DAB1: variants seen among roughly 807,000 people sequenced by gnomAD.
The protein encoded by DAB1 is DAB adaptor protein 1.
A neutral mutation model predicts 64.6 loss-of-function variants in DAB1; 15 were observed. The observed-to-expected ratio is 0.23, with a 90% confidence interval of 0.16 to 0.36. The LOEUF (loss-of-function observed/expected upper bound fraction) is 0.36. DAB1 is among the 10% of genes least tolerant of loss of function. The probability of loss-of-function intolerance (pLI) is 1.00; values close to 1 mark genes in which losing one functional copy is unlikely to be tolerated. For missense variants in DAB1, 596 were observed against 706.7 expected (o/e 0.84, Z 1.78); for synonymous variants, 235 against 251.9 (o/e 0.93, Z 0.64).
At chr1:58,469,007 T>G (rs1243438435) in intron 3 of DAB1, 1 of 244,092 alleles carries the variant, frequency 4.1e-6, no homozygotes, top group Non-Finnish European at 6.6e-6. Flanking sequence ...ATCCTCCGTC[T>G]TATGAAAAGA....
At chr1:58,491,462 A>G (rs568514971) in intron 3 of DAB1, among the ~76,000 whole-genome samples, 55 of 152,216 alleles carry the variant, frequency 3.6e-4, no homozygotes, top group Non-Finnish European at 6.2e-4. Context: ...CAAAAGACAC[A>G]GACTGGCAAA....
intron 4 of DAB1, among the ~76,000 whole-genome samples, chr1:58,164,722 T>C (rs924772315): frequency 2.0e-5 from 3 of 152,098 alleles, no homozygotes; most frequent in African/African-American, 7.2e-5. Context: ...GGACACTACC[T>C]CCAGTTCTCT....
chr1:58,071,049 G>A (rs75721156), intron 5 of DAB1, among the ~76,000 whole-genome samples: 3,066 of 152,296 alleles, frequency 0.02, 41 homozygotes, highest in Non-Finnish European at 0.029. Context: ...GAATGGCTAT[G>A]AGAGGATGTG....
chr1:57,377,451 C>T (rs1039338659), intron 1 of DAB1, among the ~76,000 whole-genome samples: 1 of 151,978 alleles, frequency 6.6e-6, no homozygotes, highest in Non-Finnish European at 1.5e-5. Flanking sequence ...GGGAGAGGTG[C>T]CCAGAAACTG....
intron 6 of DAB1, among the ~76,000 whole-genome samples, chr1:57,749,705 G>A (rs75843201): frequency 0.024 from 3,703 of 152,274 alleles, 53 homozygotes; most frequent in Admixed American, 0.041. Flanking sequence ...CATAGGGCAG[G>A]AGATGGAAGA....
At chr1:57,347,952 G>A (rs1268731599) in intron 1 of DAB1, among the ~76,000 whole-genome samples, 4 of 152,070 alleles carry the variant, frequency 2.6e-5, no homozygotes, top group Admixed American at 1.3e-4. Flanking sequence ...AAAACTGTAA[G>A]AAAATTCATT....
At chr1:57,334,419 G>C (rs1024055684) in intron 1 of DAB1, among the ~76,000 whole-genome samples, 1 of 152,188 alleles carries the variant, frequency 6.6e-6, no homozygotes, top group African/African-American at 2.4e-5. Flanking sequence ...AATGAAGCTA[G>C]TAACTCTCCC....
chr1:57,013,132 G>A (rs919483952), intron 12 of DAB1, among the ~76,000 whole-genome samples: 1 of 152,226 alleles, frequency 6.6e-6, no homozygotes, highest in African/African-American at 2.4e-5. Flanking sequence ...CTGAAACAAA[G>A]AATTATCTGG....
intron 4 of DAB1, among the ~76,000 whole-genome samples, chr1:58,253,305 C>A (rs893216827): frequency 6.6e-6 from 1 of 152,208 alleles, no homozygotes; most frequent in African/African-American, 2.4e-5. Context: ...TTCTCTCCTG[C>A]CAACCCCACC....
At chr1:57,096,484 T>C (rs1654178346) in intron 4 of DAB1, among the ~76,000 whole-genome samples, 1 of 152,184 alleles carries the variant, frequency 6.6e-6, no homozygotes, top group African/African-American at 2.4e-5. Context: ...CAGCCACATC[T>C]GACATACAAA....
At chr1:57,213,426 T>C (rs1213706414) in intron 2 of DAB1, among the ~76,000 whole-genome samples, 2 of 152,128 alleles carry the variant, frequency 1.3e-5, no homozygotes, top group Admixed American at 1.3e-4. Flanking sequence ...AAATAGATAG[T>C]GTAGATCTAG....
chr1:57,509,363 C>T (rs1354258195), intron 7 of DAB1, among the ~76,000 whole-genome samples: 11 of 152,156 alleles, frequency 7.2e-5, no homozygotes, highest in Admixed American at 6.5e-4. Flanking sequence ...ATGCTTGGAA[C>T]TCAGTGAAGT....
intron 4 of DAB1, among the ~76,000 whole-genome samples, chr1:58,220,840 C>A (rs919034298): frequency 6.8e-6 from 1 of 146,950 alleles, no homozygotes; most frequent in Non-Finnish European, 1.5e-5. Context: ...TATATATACA[C>A]GTATACACAT....
chr1:58,357,379 T>G (rs1251360730), intron 3 of DAB1, among the ~76,000 whole-genome samples: 1 of 151,942 alleles, frequency 6.6e-6, no homozygotes, highest in Non-Finnish European at 1.5e-5. Flanking sequence ...TTAAGGAACA[T>G]GGTGGGTGGT....
chr1:57,157,576 G>C (rs997665577), intron 2 of DAB1, among the ~76,000 whole-genome samples: 14 of 117,290 alleles, frequency 1.2e-4, no homozygotes, highest in Non-Finnish European at 2.0e-4. Context: ...GAGAAAGAGA[G>C]AGAGAGAGAG....
chr1:57,674,198 G>T (rs1169403954), intron 6 of DAB1, among the ~76,000 whole-genome samples: 1 of 152,148 alleles, frequency 6.6e-6, no homozygotes, highest in East Asian at 1.9e-4. Flanking sequence ...GTATTCATGA[G>T]CATTTTATAG....
intron 5 of DAB1, among the ~76,000 whole-genome samples, chr1:57,998,630 C>T (rs1014665462): frequency 6.6e-6 from 1 of 152,166 alleles, no homozygotes; most frequent in Non-Finnish European, 1.5e-5. Context: ...TCCCAAAGTG[C>T]TGGGATTACA....
At chr1:57,065,758 G>T (rs1008706719) in intron 8 of DAB1, among the ~76,000 whole-genome samples, 2 of 152,164 alleles carry the variant, frequency 1.3e-5, no homozygotes, top group African/African-American at 4.8e-5. Context: ...TCCTGGGTCT[G>T]CCACAGGCTG....
intron 6 of DAB1, among the ~76,000 whole-genome samples, chr1:57,780,660 C>T (rs1650022082): frequency 6.6e-6 from 1 of 151,970 alleles, no homozygotes; most frequent in Non-Finnish European, 1.5e-5. Flanking sequence ...AAAAAATTAC[C>T]ATATTCCTAC....
Sources: allele counts gnomAD v4.1 joint callset (sites outside exome capture counted in the v4.1 genomes callset), GRCh38; gene constraint gnomAD v4.1.1; transcripts MANE v1.5; gene names NCBI Gene and HGNC (gene_info 2026-07-23, HGNC 2026-07-21).